The following CNTN5 variants were observed in gnomAD, a reference collection of about 807,000 sequenced individuals.
CNTN5 encodes contactin 5.
A neutral mutation model predicts 129.1 loss-of-function variants in CNTN5; 77 were observed. The observed-to-expected ratio is 0.60, with a 90% CI of 0.50 to 0.72. CNTN5 has a LOEUF of 0.72. Among genes scored for constraint, CNTN5 ranks in the 30% least tolerant of loss-of-function variants. The pLI, the probability that CNTN5 is intolerant of heterozygous loss-of-function variation, is 0.00. For synonymous variants in CNTN5, 509 were observed against 465.6 expected (o/e 1.09, Z -1.20); for missense variants, 1,478 against 1,328.8 (o/e 1.11, Z -1.75).
chr11:99,768,010 G>A lies in CNTN5; in HGVS notation c.56-51534G>A, dbSNP rs558548442. On this transcript the variant is annotated intron_variant, in intron 3 of 24. Coordinates refer to ENST00000524871, the MANE Select transcript of CNTN5 (RefSeq NM_014361.4). Reference sequence around the variant, plus strand: ...TCTGCTTCTATCAGTAGTTTTATTGGAACAAATCTATGCCCATTTATTTAT... The same window carrying A: ...TCTGCTTCTATCAGTAGTTTTATTGAAACAAATCTATGCCCATTTATTTAT... 4.6e-5 allele frequency among the ~76,000 whole-genome samples: 7 copies of A among 152,080 alleles called. 1 individual carries two copies. In the South Asian group the frequency reaches 1.0e-3, roughly 23 times the overall value.
intron 2 of CNTN5, among the ~76,000 whole-genome samples, chr11:99,369,282 A>G (rs1430513975): frequency 1.4e-5 from 2 of 146,120 alleles, no homozygotes; most frequent in Non-Finnish European, 3.0e-5. Context: ...TCTAAAATAT[A>G]TGCTCTAAAG....
At chr11:100,353,319 G>A (rs1282465085) in intron 24 of CNTN5, among the ~76,000 whole-genome samples, 1 of 151,568 alleles carries the variant, frequency 6.6e-6, no homozygotes, top group Non-Finnish European at 1.5e-5. Context: ...AAAACCAAAT[G>A]CCTAAGATAT....
chr11:100,234,515 C>T (rs1487779630), intron 16 of CNTN5, among the ~76,000 whole-genome samples: 2 of 151,920 alleles, frequency 1.3e-5, no homozygotes, highest in Non-Finnish European at 2.9e-5. Flanking sequence ...AAGCTGGAAA[C>T]CTTATTCTCA....
chr11:99,045,140 G>A lies in CNTN5; in HGVS notation c.-210+23870G>A, dbSNP rs572359958. On this transcript the variant is annotated intron_variant, in intron 1 of 24. Coordinates refer to ENST00000524871, the MANE Select transcript of CNTN5 (RefSeq NM_014361.4). ...TACAGTCAGGATGCATCCCATGTAG[G>A]GTGTGAACAAGTTAGTATGCCACAT... 4.6e-5 allele frequency among the ~76,000 whole-genome samples: 7 copies of A among 152,170 alleles called. No homozygotes were observed. In the East Asian group the frequency reaches 1.2e-3, roughly 25 times the overall value.
chr11:99,774,574 A>G (rs1404312891), intron 3 of CNTN5, among the ~76,000 whole-genome samples: 1 of 151,948 alleles, frequency 6.6e-6, no homozygotes, highest in East Asian at 1.9e-4. Context: ...TAGGAGGCCT[A>G]CATTGTCTCT....
chr11:99,595,303 A>G (rs952164413), intron 3 of CNTN5, among the ~76,000 whole-genome samples: 1 of 152,162 alleles, frequency 6.6e-6, no homozygotes, highest in Non-Finnish European at 1.5e-5. Context: ...ATGCACTGAA[A>G]CATCACAGTG....
chr11:99,631,606 G>C (rs644737), intron 3 of CNTN5, among the ~76,000 whole-genome samples: 91,627 of 151,680 alleles, frequency 0.6, 28,511 homozygotes, highest in Admixed American at 0.69. Context: ...CTAAGCAGTA[G>C]TAAGTTTTTA....
chr11:99,596,830 T>A (rs1425530287), intron 3 of CNTN5, among the ~76,000 whole-genome samples: 1 of 152,136 alleles, frequency 6.6e-6, no homozygotes, highest in African/African-American at 2.4e-5. Context: ...CAAAACTTTA[T>A]AAATAGACAA....
intron 2 of CNTN5, among the ~76,000 whole-genome samples, chr11:99,488,090 T>C (rs1311116187): frequency 6.6e-6 from 1 of 152,122 alleles, no homozygotes; most frequent in East Asian, 1.9e-4. Flanking sequence ...GATTATTTCT[T>C]ATTTATTTAT....
chr11:99,259,399 T>C (rs1202940226), intron 1 of CNTN5, among the ~76,000 whole-genome samples: 1 of 151,894 alleles, frequency 6.6e-6, no homozygotes, highest in Non-Finnish European at 1.5e-5. Flanking sequence ...ATTTTTTTGC[T>C]TAAAAAGTGA....
intron 21 of CNTN5, among the ~76,000 whole-genome samples, chr11:100,313,593 T>A (rs1591505758): frequency 6.6e-6 from 1 of 152,096 alleles, no homozygotes; most frequent in Non-Finnish European, 1.5e-5. Flanking sequence ...ACATGCCAGT[T>A]TGGAGTCAAA....
Position 99,053,604 on chromosome 11 carries a change from G to T in CNTN5, c.-210+32334G>T, listed in dbSNP as rs572058064. 3.3e-5 allele frequency among the ~76,000 whole-genome samples: 5 copies of T among 151,844 alleles called. No individual in the cohort carries two copies. The South Asian group carries it at 1.0e-3, about 31-fold the overall frequency. On this transcript the variant is annotated intron_variant, in intron 1 of 24. Transcript: ENST00000524871. ...TTGTCTTTGATTTTGTAAAGTTTTTGCCACAAGGATATTTCCCTTTTCTGA... is the reference window on the plus strand; with the variant it reads ...TTGTCTTTGATTTTGTAAAGTTTTTTCCACAAGGATATTTCCCTTTTCTGA...
At chr11:100,045,150 T>G (rs989660629) in intron 9 of CNTN5, among the ~76,000 whole-genome samples, 1 of 151,954 alleles carries the variant, frequency 6.6e-6, no homozygotes, top group Non-Finnish European at 1.5e-5. Flanking sequence ...GATTCCTTTC[T>G]CTAGGTGATT....
At chr11:99,339,788 GAAA>G (rs60995909) in intron 2 of CNTN5, among the ~76,000 whole-genome samples, 6 of 140,872 alleles carry the variant, frequency 4.3e-5, no homozygotes, top group African/African-American at 1.3e-4. Flanking sequence ...ACTCAAAAAA[GAAA>G]AAAAAAAAAA....
chr11:99,093,115 T>C (rs1349935124), intron 1 of CNTN5, among the ~76,000 whole-genome samples: 1 of 152,070 alleles, frequency 6.6e-6, no homozygotes, highest in Non-Finnish European at 1.5e-5. Context: ...GGAGGGACCC[T>C]AGAAATTTTA....
chr11:100,050,449 G>A (rs932974467), intron 9 of CNTN5, among the ~76,000 whole-genome samples: 3 of 151,846 alleles, frequency 2.0e-5, no homozygotes, highest in Non-Finnish European at 2.9e-5. Flanking sequence ...CACAGGAAGG[G>A]GAACATCACA....
chr11:99,710,564 T>C (rs143093359), intron 3 of CNTN5, among the ~76,000 whole-genome samples: 3 of 102,282 alleles, frequency 2.9e-5, no homozygotes, highest in Non-Finnish European at 4.1e-5. Context: ...TGTGTGTGTG[T>C]GCATGTGTGT....
chr11:100,262,466 C>T (rs1297787562), intron 17 of CNTN5, among the ~76,000 whole-genome samples: 1 of 151,994 alleles, frequency 6.6e-6, no homozygotes, highest in East Asian at 1.9e-4. Context: ...TTATAAATCA[C>T]TGTACTATAA....
At chr11:100,320,588 G>A (rs1951670639) in intron 21 of CNTN5, among the ~76,000 whole-genome samples, 1 of 151,704 alleles carries the variant, frequency 6.6e-6, no homozygotes, top group Non-Finnish European at 1.5e-5. Flanking sequence ...TTTTGCTTTT[G>A]TTGCCTGTGG....
Sources: gnomAD v4.1 joint callset for allele counts (sites outside exome capture counted in the v4.1 genomes callset) on GRCh38, gnomAD v4.1.1 for gene constraint, MANE v1.5 for transcripts, NCBI Gene and HGNC (gene_info 2026-07-23, HGNC 2026-07-21) for gene names.